The following GMPS variants were observed in gnomAD, a reference collection of about 807,000 sequenced individuals.
GMPS encodes GMP synthase [glutamine-hydrolyzing].
In GMPS, 15 loss-of-function variants were observed where a neutral mutation model predicts 77.9. The ratio of observed to expected loss-of-function variants is 0.19; its 90% confidence interval spans 0.13 to 0.30. GMPS has a LOEUF of 0.30. Ranked by LOEUF, GMPS falls within the 10% of genes least tolerant of loss-of-function variation. The probability of loss-of-function intolerance (pLI) is 1.00; values close to 1 mark genes in which losing one functional copy is unlikely to be tolerated. For missense variants in GMPS, 590 were observed against 838.8 expected, an observed-to-expected ratio of 0.70 and a Z score of 3.66; for synonymous variants, 224 against 275.9, an observed-to-expected ratio of 0.81 and a Z score of 1.86.
At chr3:155,915,160 T>G (rs2108110999) in intron 8 of GMPS, among the ~76,000 whole-genome samples, 1 of 152,276 alleles carries the variant, frequency 6.6e-6, no homozygotes, top group African/African-American at 2.4e-5. Flanking sequence ...ATTCAGCTTA[T>G]CATAGACTTT....
chr3:155,926,330 A>G (rs1006390957), intron 12 of GMPS, among the ~76,000 whole-genome samples: 2 of 152,136 alleles, frequency 1.3e-5, no homozygotes, highest in African/African-American at 2.4e-5. Flanking sequence ...ATGATCCTCA[A>G]ATGAGTTTTT....
At chr3:155,923,079 C>T (rs1425980050) in intron 11 of GMPS, among the ~76,000 whole-genome samples, 1 of 151,934 alleles carries the variant, frequency 6.6e-6, no homozygotes, top group Non-Finnish European at 1.5e-5. Flanking sequence ...AGAACAAGAC[C>T]CTCAAGACTT....
chr3:155,874,679 G>T (rs1753986904), intron 1 of GMPS, among the ~76,000 whole-genome samples: 1 of 152,060 alleles, frequency 6.6e-6, no homozygotes, highest in African/African-American at 2.4e-5. Context: ...GGATGACATT[G>T]CCTTTAGCGT....
At chr3:155,877,552 A>G (rs766771591) in intron 1 of GMPS, among the ~76,000 whole-genome samples, 2 of 151,824 alleles carry the variant, frequency 1.3e-5, no homozygotes, top group Non-Finnish European at 2.9e-5. Context: ...TCCTGCAACC[A>G]CCGCTCCCTC....
At chr3:155,911,076 T>C (rs1305857219) in intron 6 of GMPS, 38 bp from the exon 7 acceptor site, 2 of 1,516,822 alleles carry the variant, frequency 1.3e-6, no homozygotes, top group Admixed American at 3.9e-5. Context: ...TTCTTTTTGC[T>C]TGTTTTGCTC....
rs147595832 is a variant in GMPS at position 155,907,915 on chromosome 3, G to A, written c.526+1652G>A. On this transcript the variant is annotated intron_variant, in intron 5 of 15. Transcript: ENST00000496455. ...TTGAGGAGCAGCAGGAATCCATGTG[G>A]TTGGAGCAGAGTAAGCATGGTGGGG... is the stretch of plus-strand genomic sequence containing the variant. Among the ~76,000 whole-genome samples the A allele has an allele frequency of 3.3e-3, 499 of 152,312 alleles. 4 individuals are homozygous for A. Among genetic ancestry groups the A allele is most frequent in the African/African-American group, 0.011 (458 of 41,572 alleles).
At chr3:155,904,600 T>C (rs566056576) in intron 4 of GMPS, among the ~76,000 whole-genome samples, 1 of 152,272 alleles carries the variant, frequency 6.6e-6, no homozygotes, top group East Asian at 1.9e-4. Context: ...AAGATTATTA[T>C]TTTTCAAAGG....
chr3:155,943,250 T>G lies in GMPS; in HGVS notation c.*5558T>G, dbSNP rs1755935626. The G allele has an allele frequency of 5.6e-6, 1 of 179,566 alleles. No individual in the cohort carries two copies. Among genetic ancestry groups the G allele is most frequent in the African/African-American group, 2.4e-5 (1 of 42,346 alleles). 11.1% of individuals were successfully genotyped at this position (179,566 alleles called of 1,614,324 possible). On this transcript the variant is annotated 3_prime_UTR_variant, in exon 16 of 16. Coordinates refer to ENST00000496455, the MANE Select transcript of GMPS (RefSeq NM_003875.3). ...CCGTCTTAAAACAAAAACAACATAT[T>G]TGTTCACTTTTGAACCCTGTGGTGT...
rs766195580 is a variant in GMPS, at chr3:155,906,276, A to G, written c.526+13A>G. 70 of 1,552,248 alleles carry G rather than the reference A, an allele frequency of 4.5e-5. No individual in the cohort carries two copies. Among genetic ancestry groups the G allele is most frequent in the Non-Finnish European group, 5.8e-5 (65 of 1,127,904 alleles). On this transcript the variant is annotated intron_variant, in intron 5 of 15. Transcript: ENST00000496455. ...AACATAGTAGCAGGTGAAAATTCTA[A>G]AAATTTTGCAGAGTTCATTTAAAAA...
chr3:155,937,054 A>G (rs1303092435), intron 15 of GMPS, among the ~76,000 whole-genome samples: 1 of 152,228 alleles, frequency 6.6e-6, no homozygotes, highest in East Asian at 1.9e-4. Context: ...ATAGCTAGGT[A>G]GATGGGTTGG....
intron 13 of GMPS, among the ~76,000 whole-genome samples, chr3:155,932,702 C>G (rs1755657501): frequency 6.6e-6 from 1 of 152,114 alleles, no homozygotes; most frequent in Non-Finnish European, 1.5e-5. Flanking sequence ...TCATTTTACT[C>G]AAATTGCTGC....
chr3:155,928,179 G>A (rs1038946487), intron 12 of GMPS, among the ~76,000 whole-genome samples: 24 of 151,596 alleles, frequency 1.6e-4, no homozygotes, highest in South Asian at 4.2e-4. Flanking sequence ...GGCACACGCC[G>A]CCATACCTGG....
chr3:155,872,740 G>A (rs1753935091), intron 1 of GMPS, among the ~76,000 whole-genome samples: 1 of 152,058 alleles, frequency 6.6e-6, no homozygotes, highest in Non-Finnish European at 1.5e-5. Flanking sequence ...GGTTCTTTAT[G>A]TTTTATAGCA....
chr3:155,894,918 T>C (rs62286836), intron 2 of GMPS, among the ~76,000 whole-genome samples: 8,287 of 152,284 alleles, frequency 0.054, 317 homozygotes, highest in East Asian at 0.18. Flanking sequence ...ATTCAGCTGA[T>C]TTTATTTACC....
In GMPS at chr3:155,911,189, A is replaced by G. The variant is rs976173575; in HGVS notation, c.796A>G (p.Ile266Val). The G allele has an allele frequency of 3.1e-6, 5 of 1,612,654 alleles. No individual in the cohort carries two copies. In the African/African-American group the frequency reaches 6.7e-5, roughly 22 times the overall value. The change falls in exon 7 of 16, where the codon ATT (isoleucine) becomes GTT (valine). Residue 266 changes from isoleucine (I) to valine (V), a missense_variant. Ile to Val is a conservative substitution (Grantham distance 29, BLOSUM62 3). Transcript: ENST00000496455. Reference sequence around the variant, plus strand: ...TCGTGCTTTGAACCAAGAACAAGTCATTGCTGTGCACATTGATAATGGCTT... The same window carrying G: ...TCGTGCTTTGAACCAAGAACAAGTCGTTGCTGTGCACATTGATAATGGCTT... ...LNRALNQEQV[I>V]AVHIDNGFMR...
At chr3:155,914,239 C>A (rs972712367) in intron 7 of GMPS, among the ~76,000 whole-genome samples, 180 bp from the exon 8 acceptor site, 1 of 152,138 alleles carries the variant, frequency 6.6e-6, no homozygotes, top group Non-Finnish European at 1.5e-5. Context: ...AGCCACCGGG[C>A]CCGGCCAATA....
In GMPS at chr3:155,880,611, T is replaced by C. The variant is rs549257279; in HGVS notation, c.27+9714T>C. 8.5e-5 allele frequency among the ~76,000 whole-genome samples: 13 copies of C among 152,346 alleles called. No homozygotes were observed. The East Asian group carries it at 2.1e-3, about 25-fold the overall frequency. On this transcript the variant is annotated intron_variant, in intron 1 of 15. Transcript: ENST00000496455. ...ATCACCCCAATCAAGATATAGAACA[T>C]TTCTGTCACTCACAACATTCCCTTG...
chr3:155,898,707 A>G (rs1212360339), intron 3 of GMPS, among the ~76,000 whole-genome samples: 5 of 152,100 alleles, frequency 3.3e-5, no homozygotes, highest in African/African-American at 9.7e-5. Context: ...ACATTTCCCA[A>G]CTTTGGTTTC....
intron 1 of GMPS, among the ~76,000 whole-genome samples, chr3:155,885,088 CACGTAGAAACTAA>C (rs1286120951): frequency 2.0e-5 from 3 of 152,210 alleles, no homozygotes. Flanking sequence ...ATATACGTAA[CACGTAGAAACTAA>C]ATAGTCTTTA....
Sources: gnomAD v4.1 joint callset for allele counts (sites outside exome capture counted in the v4.1 genomes callset) on GRCh38, gnomAD v4.1.1 for gene constraint, MANE v1.5 for transcripts, NCBI Gene and HGNC (gene_info 2026-07-23, HGNC 2026-07-21) for gene names.